Variants in ANXA4 observed in about 807,000 individuals in gnomAD.
The protein encoded by ANXA4 is annexin A4, also known as 35-beta calcimedin.
ANXA4 carries 39 observed loss-of-function variants against 49.8 expected under a neutral mutation model. The ratio of observed to expected loss-of-function variants is 0.78; its 90% CI spans 0.61 to 1.02. ANXA4 has a LOEUF of 1.02. Ranked by LOEUF, ANXA4 falls within the 50% of genes least tolerant of loss-of-function variation. ANXA4 has a pLI of 0.00. For missense variants in ANXA4, 360 were observed against 410.1 expected, an observed-to-expected ratio of 0.88 and a Z score of 1.05; for synonymous variants, 134 against 152.5, an observed-to-expected ratio of 0.88 and a Z score of 0.89.
chr2:69,691,555 TCA>T (rs879583444), intron 2 of ANXA4, among the ~76,000 whole-genome samples: 1,199 of 115,566 alleles, frequency 0.01, 22 homozygotes, highest in Admixed American at 0.017. Context: ...GTCAGTGATT[TCA>T]CACACACACA....
intron 1 of ANXA4, among the ~76,000 whole-genome samples, chr2:69,767,334 G>A (rs1193754587): frequency 1.3e-5 from 2 of 152,130 alleles, no homozygotes; most frequent in Non-Finnish European, 2.9e-5. Context: ...TTCGACACTG[G>A]ATTCAGATAC....
chr2:69,661,829 T>C (rs1233986606), intron 2 of ANXA4, among the ~76,000 whole-genome samples: 1 of 152,070 alleles, frequency 6.6e-6, no homozygotes, highest in Non-Finnish European at 1.5e-5. Flanking sequence ...TGTAAGTCTG[T>C]ACAAGAAGCA....
At chr2:69,755,710 G>C (rs1428047750) in intron 1 of ANXA4, among the ~76,000 whole-genome samples, 1 of 152,102 alleles carries the variant, frequency 6.6e-6, no homozygotes, top group Non-Finnish European at 1.5e-5. Context: ...CTATCTCCCA[G>C]TGATGTGCTG....
intron 3 of ANXA4, among the ~76,000 whole-genome samples, chr2:69,792,578 A>T (rs1191586967): frequency 7.3e-6 from 1 of 136,572 alleles, no homozygotes; most frequent in Non-Finnish European, 1.5e-5. Context: ...ATATGTTTAC[A>T]CGCAGTGTTT....
chr2:69,675,147 C>T (rs1677356722), intron 2 of ANXA4, among the ~76,000 whole-genome samples: 1 of 152,286 alleles, frequency 6.6e-6, no homozygotes, highest in South Asian at 2.1e-4. Context: ...TGGTCTCGAT[C>T]TCCTGTCCTC....
At chr2:69,725,068 A>T (rs965761379) in intron 3 of ANXA4, among the ~76,000 whole-genome samples, 1 of 152,206 alleles carries the variant, frequency 6.6e-6, no homozygotes. Flanking sequence ...TCCTGCAGTC[A>T]GCCGATGTTT....
chr2:69,702,403 C>A (rs1345946372), intron 2 of ANXA4, among the ~76,000 whole-genome samples: 3 of 152,156 alleles, frequency 2.0e-5, no homozygotes, highest in East Asian at 3.9e-4. Flanking sequence ...GTACCCATTA[C>A]CAAGTTTAAT....
intron 2 of ANXA4, among the ~76,000 whole-genome samples, chr2:69,717,368 C>T (rs1340259953): frequency 6.6e-6 from 1 of 152,118 alleles, no homozygotes; most frequent in Admixed American, 6.6e-5. Context: ...TGCCTTTCAT[C>T]CCACACTCCC....
chr2:69,709,659 C>T (rs1678614063), intron 2 of ANXA4, among the ~76,000 whole-genome samples: 1 of 152,212 alleles, frequency 6.6e-6, no homozygotes, highest in Non-Finnish European at 1.5e-5. Context: ...TAACTCTTAA[C>T]TCTGAAACCC....
intron 1 of ANXA4, among the ~76,000 whole-genome samples, chr2:69,776,360 AC>A (rs2103631759): frequency 1.3e-5 from 2 of 151,876 alleles, no homozygotes; most frequent in East Asian, 1.9e-4. Flanking sequence ...CTCATCCCCA[AC>A]CCTTTTGTTC....
intron 2 of ANXA4, among the ~76,000 whole-genome samples, chr2:69,688,948 G>T (rs550366487): frequency 6.3e-4 from 96 of 152,306 alleles, no homozygotes; most frequent in Non-Finnish European, 1.2e-3. Context: ...CTGGGCTCCA[G>T]TGTTGTCAGC....
intron 3 of ANXA4, among the ~76,000 whole-genome samples, chr2:69,790,604 T>C (rs573588308): frequency 6.6e-6 from 1 of 152,278 alleles, no homozygotes; most frequent in East Asian, 1.9e-4. Flanking sequence ...TAAGTGGGTA[T>C]ATGGGGCTTG....
intron 1 of ANXA4, among the ~76,000 whole-genome samples, chr2:69,646,593 T>C (rs915243206): frequency 2.6e-5 from 4 of 152,184 alleles, no homozygotes; most frequent in African/African-American, 7.2e-5. Context: ...ATTGTTACAA[T>C]AGTGATCATA....
chr2:69,666,796 A>T (rs1416864190), intron 2 of ANXA4, among the ~76,000 whole-genome samples: 1 of 152,230 alleles, frequency 6.6e-6, no homozygotes, highest in African/African-American at 2.4e-5. Context: ...CTGTAATCCC[A>T]GCACTTTGGG....
At chr2:69,706,173 G>T (rs1164971345) in intron 2 of ANXA4, among the ~76,000 whole-genome samples, 1 of 148,048 alleles carries the variant, frequency 6.8e-6, no homozygotes, top group Non-Finnish European at 1.5e-5. Context: ...TTTTGATTTT[G>T]GTTTGTTTGT....
intron 1 of ANXA4, among the ~76,000 whole-genome samples, chr2:69,754,669 G>T (rs1670977225): frequency 6.6e-6 from 1 of 152,182 alleles, no homozygotes; most frequent in Non-Finnish European, 1.5e-5. Context: ...CCAGGTGATG[G>T]TGATGCTGTT....
At chr2:69,690,384 A>C (rs145410740) in intron 2 of ANXA4, among the ~76,000 whole-genome samples, 1,667 of 152,184 alleles carry the variant, frequency 0.011, 32 homozygotes, top group African/African-American at 0.036. Context: ...GATTACAGGC[A>C]CGCACCACCA....
chr2:69,679,872 T>A (rs769040484), intron 2 of ANXA4, among the ~76,000 whole-genome samples: 1 of 152,216 alleles, frequency 6.6e-6, no homozygotes, highest in Non-Finnish European at 1.5e-5. Context: ...TCTGTTTTTA[T>A]ACCAATACCA....
intron 1 of ANXA4, among the ~76,000 whole-genome samples, chr2:69,748,819 T>C (rs1670726964): frequency 6.6e-6 from 1 of 151,188 alleles, no homozygotes; most frequent in South Asian, 2.1e-4. Context: ...CAGGGGATCC[T>C]CCCATCTCAG....
Sources: gnomAD v4.1 joint callset for allele counts (sites outside exome capture counted in the v4.1 genomes callset) on GRCh38, gnomAD v4.1.1 for gene constraint, MANE v1.5 for transcripts, NCBI Gene and HGNC (gene_info 2026-07-23, HGNC 2026-07-21) for gene names.